The following AP5M1 variants were observed in gnomAD, a reference collection of about 807,000 sequenced individuals.
AP5M1 encodes the protein AP-5 complex subunit mu-1.
AP5M1 carries 44 observed loss-of-function variants against 52.3 expected under a neutral mutation model. That is an observed-to-expected ratio of 0.84 (90% confidence interval 0.66 to 1.08). The LOEUF is 1.08. Among genes scored for constraint, AP5M1 ranks in the 50% least tolerant of loss-of-function variants. The pLI is 0.00. For synonymous variants in AP5M1, 213 were observed against 199.0 expected, an observed-to-expected ratio of 1.07 and a Z score of -0.59; for missense variants, 526 against 568.4, an observed-to-expected ratio of 0.93 and a Z score of 0.76.
intron 1 of AP5M1, chr14:57,273,856 T>C: frequency 1.6e-6 from 1 of 633,620 alleles, no homozygotes; most frequent in Non-Finnish European, 2.8e-6. Context: ...CTCTAGCTAC[T>C]AAGATAGAAT....
rs975100688 is a variant in AP5M1 at position 57,290,200 on chromosome 14, A to T, written c.*1316A>T. ...ATATAAATTTAGGATTTGAAATATG[A>T]TTTTTTAATTAAGGTCAGTCCTACT... On this transcript the variant is annotated 3_prime_UTR_variant, in exon 8 of 8. Transcript: ENST00000261558. 2.6e-5 allele frequency: 4 copies of T among 151,930 alleles called. No individual in the cohort carries two copies. The highest frequency in any genetic ancestry group is 7.2e-5 in the African/African-American group (3 of 41,408). 9.4% of individuals were successfully genotyped at this position (151,930 alleles called of 1,614,324 possible).
chr14:57,281,984 T>A, intron 3 of AP5M1, 105 bp from the exon 4 acceptor site: 1 of 975,854 alleles, frequency 1.0e-6, no homozygotes, highest in Non-Finnish European at 1.5e-6. Context: ...CCAAAACAAC[T>A]TGGAATAATC....
chr14:57,269,951 G>A (rs188071539), intron 1 of AP5M1, among the ~76,000 whole-genome samples: 287 of 152,246 alleles, frequency 1.9e-3, no homozygotes, highest in Non-Finnish European at 3.6e-3. Context: ...TGGGACTACA[G>A]GCACCCGCCA....
intron 6 of AP5M1, among the ~76,000 whole-genome samples, chr14:57,284,723 T>G (rs1434965966): frequency 1.3e-5 from 2 of 152,200 alleles, no homozygotes; most frequent in African/African-American, 4.8e-5. Context: ...TGACGCTTTT[T>G]AAGAGGGTAG....
Position 57,274,695 on chromosome 14 carries a change from AACTT to A in AP5M1, c.529_532del (p.Leu177ArgfsTer4). On this transcript the variant is annotated frameshift_variant, in exon 2 of 8. Coordinates refer to ENST00000261558, the MANE Select transcript of AP5M1 (RefSeq NM_018229.4). LOFTEE classifies it high-confidence loss of function. ...TCCATTTGGTACTTTATTAGATGCCAACTTACAGAATTCATTAGATAATACCAAT... is the reference window on the plus strand; with the variant it reads ...TCCATTTGGTACTTTATTAGATGCCAACAGAATTCATTAGATAATACCAAT... 1 of 1,614,206 alleles carries A rather than the reference AACTT, an allele frequency of 6.2e-7. No individual in the cohort carries two copies. The highest frequency in any genetic ancestry group is 8.5e-7 in the Non-Finnish European group (1 of 1,180,038).
intron 1 of AP5M1, chr14:57,273,845 A>C: frequency 1.5e-6 from 1 of 657,372 alleles, no homozygotes; most frequent in Admixed American, 2.4e-5. Flanking sequence ...TGTTAGCCCT[A>C]CTCTAGCTAC....
At position 57,274,330 on chromosome 14, in the gene AP5M1, C is replaced by T. The variant is rs781230099; in HGVS notation, c.161C>T (p.Ala54Val). ...CCTGAAGATGGTCCCTTTCTTAAAG[C>T]ACTGCTCTTTGAACTTAGATTATTG... ...PVPEDGPFLK[A>V]LLFELRLLDD... The change falls in exon 2 of 8, where the codon GCA becomes GTA. Residue 54 changes from alanine (A) to valine (V), a missense_variant. Transcript: ENST00000261558. 5.6e-6 allele frequency: 9 copies of T among 1,614,014 alleles called. No individual in the cohort carries two copies. The East Asian group carries it at 8.9e-5, about 16-fold the overall frequency.
At chr14:57,277,518 T>C (rs193054736) in intron 2 of AP5M1, among the ~76,000 whole-genome samples, 32 of 152,260 alleles carry the variant, frequency 2.1e-4, no homozygotes, top group Non-Finnish European at 4.0e-4. Flanking sequence ...TAAAATTTTT[T>C]TTAAGTTTTA....
At chr14:57,288,212 A>G (rs748630813) in intron 7 of AP5M1, among the ~76,000 whole-genome samples, 2 of 151,746 alleles carry the variant, frequency 1.3e-5, no homozygotes, top group African/African-American at 2.4e-5. Flanking sequence ...AAGAATTTAC[A>G]TGTGTAACTC....
chr14:57,277,940 T>C (rs1885080907), intron 2 of AP5M1, among the ~76,000 whole-genome samples: 1 of 152,136 alleles, frequency 6.6e-6, no homozygotes, highest in African/African-American at 2.4e-5. Flanking sequence ...TAATGCGTGG[T>C]GCAATCTAAT....
rs1048418190 is a variant in AP5M1, at chr14:57,294,430, C to G, written c.*5546C>G. On this transcript the variant is annotated 3_prime_UTR_variant, in exon 8 of 8. Transcript: ENST00000261558. Reference sequence around the variant, plus strand: ...TTTTCCTTCAAAGGACTTGGGTGCCCTCTGCAGGTTATAAAGAGATAATTA... The same window carrying G: ...TTTTCCTTCAAAGGACTTGGGTGCCGTCTGCAGGTTATAAAGAGATAATTA... The G allele has an allele frequency of 2.0e-5, 3 of 151,800 alleles. No homozygotes were observed. Among genetic ancestry groups the G allele is most frequent in the Non-Finnish European group, 4.4e-5 (3 of 67,840 alleles). The allele number at this position is 151,800 out of a possible 1,614,324, so 9.4% of individuals were successfully genotyped here.
intron 2 of AP5M1, among the ~76,000 whole-genome samples, chr14:57,277,373 TA>T (rs1229606809): frequency 6.6e-6 from 1 of 152,212 alleles, no homozygotes; most frequent in Non-Finnish European, 1.5e-5. Context: ...TGAATATTAT[TA>T]AATTTTAATG....
intron 2 of AP5M1, among the ~76,000 whole-genome samples, chr14:57,276,350 C>T (rs138061035): frequency 2.6e-5 from 4 of 152,144 alleles, no homozygotes; most frequent in South Asian, 2.1e-4. Context: ...CCAAGGCGGG[C>T]GAATCACTTG....
intron 1 of AP5M1, among the ~76,000 whole-genome samples, chr14:57,270,674 C>T (rs117158673): frequency 6.6e-6 from 1 of 152,126 alleles, no homozygotes. Flanking sequence ...CGCATCAGTC[C>T]GTACAAAGTA....
rs763323477 is a variant in AP5M1, at chr14:57,282,940, A to G, written c.1095A>G (p.Pro365=). The G allele has an allele frequency of 1.9e-6, 3 of 1,584,208 alleles. No homozygotes were observed. In the South Asian group the frequency reaches 3.5e-5, roughly 18 times the overall value. The part of the protein sequence containing the change: ...EAHIPFYNRG[P]ITHLEYKTSF... The stretch of plus-strand genomic sequence containing the variant: ...TATCCTTTTCTTTTTAAAGAGGTCC[A>G]ATTACACATTTGGAATACAAAACTA... Residue 365 remains proline (P), a synonymous_variant, in exon 5 of 8, where the codon CCA becomes CCG. Transcript: ENST00000261558.
Position 57,282,143 on chromosome 14 carries a change from C to A in AP5M1, c.1003C>A (p.Leu335Ile). Residue 335 changes from leucine to isoleucine, a missense_variant, in exon 4 of 8, where the codon CTA (leucine) becomes ATA (isoleucine). Coordinates refer to ENST00000261558, the MANE Select transcript of AP5M1 (RefSeq NM_018229.4). ...TCAAATGAAGGAGGAAGAAGTACAA[C>A]TAAGAATAACCATTAATTTAAAACT... ...FYQMKEEEVQLRITINLKLHE... is the reference protein window; with the variant it reads ...FYQMKEEEVQIRITINLKLHE... 1 of 1,583,434 alleles carries A rather than the reference C, an allele frequency of 6.3e-7. No homozygotes were observed. Among genetic ancestry groups the A allele is most frequent in the Non-Finnish European group, 8.6e-7 (1 of 1,168,534 alleles).
intron 1 of AP5M1, chr14:57,273,640 T>C (rs746069298): frequency 8.1e-5 from 55 of 676,744 alleles, no homozygotes; most frequent in Non-Finnish European, 1.3e-4. Flanking sequence ...TTTTTTATTA[T>C]CTAAAAGTAT....
At chr14:57,279,552 C>T (rs546312677) in intron 2 of AP5M1, among the ~76,000 whole-genome samples, 2 of 152,134 alleles carry the variant, frequency 1.3e-5, no homozygotes, top group South Asian at 4.1e-4. Flanking sequence ...GGAGGGAGAG[C>T]ATCAGGAAGA....
At chr14:57,285,797 T>C (rs931682039) in intron 6 of AP5M1, among the ~76,000 whole-genome samples, 2 of 152,086 alleles carry the variant, frequency 1.3e-5, no homozygotes, top group Admixed American at 1.3e-4. Flanking sequence ...GAAGAGAATA[T>C]AGGGCATGCA....
Sources: allele counts gnomAD v4.1 joint callset (sites outside exome capture counted in the v4.1 genomes callset), GRCh38; gene constraint gnomAD v4.1.1; transcripts MANE v1.5; gene names NCBI Gene and HGNC (gene_info 2026-07-23, HGNC 2026-07-21).